The following PDS5A variants were observed in gnomAD, a reference collection of about 807,000 sequenced individuals.
PDS5A encodes sister chromatid cohesion protein PDS5 homolog A.
PDS5A carries 42 observed loss-of-function variants against 167.1 expected under a neutral mutation model. The observed-to-expected ratio is 0.25, with a 90% CI of 0.20 to 0.33. The LOEUF is 0.33. Ranked by LOEUF, PDS5A falls within the 10% of genes least tolerant of loss-of-function variation. The pLI, the probability that PDS5A is intolerant of heterozygous loss-of-function variation, is 1.00. For missense variants in PDS5A, 1,033 were observed against 1,605.9 expected, an observed-to-expected ratio of 0.64 and a Z score of 6.10; for synonymous variants, 553 against 554.6, an observed-to-expected ratio of 1.00 and a Z score of 0.04.
chr4:39,942,412 G>A (rs145295961), intron 2 of PDS5A, among the ~76,000 whole-genome samples: 5 of 151,830 alleles, frequency 3.3e-5, no homozygotes, highest in South Asian at 4.2e-4. Context: ...CCAAACATAC[G>A]CTCTTACTAA....
chr4:39,939,762 A>G (rs1278702493), intron 2 of PDS5A, among the ~76,000 whole-genome samples: 12 of 152,156 alleles, frequency 7.9e-5, no homozygotes, highest in Non-Finnish European at 2.9e-5. Flanking sequence ...GCACCACTGC[A>G]CTCCAGCCTG....
Position 39,977,667 on chromosome 4 carries a change from GGCGGGGAGACAGT to G in PDS5A, c.-264_-252del, listed in dbSNP as rs1172615227. On this transcript the variant is annotated 5_prime_UTR_variant, in exon 1 of 33. Transcript: ENST00000303538. This position sits in a 1 kb window ranked among gnomAD's most constrained non-coding sequence, Gnocchi z 4.2. ...GGAGACGCGGGGCGAGTGAGCGCTG[GGCGGGGAGACAGT>G]GCCGCTCTCCGTCTGGCCGAGGAAG... The G allele has an allele frequency of 2.0e-5, 3 of 151,636 alleles. No individual in the cohort carries two copies. Among genetic ancestry groups the G allele is most frequent in the Non-Finnish European group, 1.5e-5 (1 of 68,036 alleles). 9.4% of individuals were successfully genotyped at this position (151,636 alleles called of 1,614,324 possible).
At chr4:39,908,279 T>C in intron 11 of PDS5A, 116 bp downstream of exon 11, 1 of 809,812 alleles carries the variant, frequency 1.2e-6, no homozygotes. Context: ...TCTTTATCAT[T>C]GTTATTAATT....
At chr4:39,832,052 A>T (rs1715946561) in intron 32 of PDS5A, among the ~76,000 whole-genome samples, 1 of 150,290 alleles carries the variant, frequency 6.7e-6, no homozygotes, top group Admixed American at 6.6e-5. Flanking sequence ...CGGGAGGCAG[A>T]GGGTGCAGTG....
chr4:39,862,226 T>G lies in PDS5A; in HGVS notation c.3079A>C (p.Ile1027Leu), dbSNP rs1389561502. The G allele has an allele frequency of 7.1e-7, 1 of 1,399,950 alleles. No homozygotes were observed. Among genetic ancestry groups the G allele is most frequent in the Non-Finnish European group, 9.8e-7 (1 of 1,025,538 alleles). 86.7% of individuals were successfully genotyped at this position (1,399,950 alleles called of 1,614,324 possible). The change falls in exon 26 of 33, where the codon ATC (isoleucine) becomes CTC (leucine). Residue 1027 changes from isoleucine (I) to leucine (L), a missense_variant. This residue lies in a region of PDS5A where 367 missense variants were observed against 686.7 expected (regional missense o/e 0.53). Transcript: ENST00000303538. ...RSQDVDQLRD[I>L]KECLWFMLEV... ...AAAAACAACAAGACTTACTCTTTGA[T>G]ATCACGAAGCTGATCAACATCTTGT...
intron 26 of PDS5A, among the ~76,000 whole-genome samples, chr4:39,851,724 G>A (rs1420942306): frequency 6.6e-6 from 1 of 152,140 alleles, no homozygotes; most frequent in Non-Finnish European, 1.5e-5. Context: ...AACATTATCT[G>A]AGCAACTATA....
chr4:39,898,739 G>A (rs372614691), intron 15 of PDS5A, 38 bp downstream of exon 15: 113 of 1,311,958 alleles, frequency 8.6e-5, no homozygotes, highest in Non-Finnish European at 1.1e-4. Context: ...CTGCATTTAC[G>A]TTTACTACAT....
At chr4:39,945,552 A>T (rs2109775584) in intron 2 of PDS5A, among the ~76,000 whole-genome samples, 1 of 152,106 alleles carries the variant, frequency 6.6e-6, no homozygotes, top group East Asian at 1.9e-4. Context: ...ATAGTATAGT[A>T]GGAGGAATGC....
intron 2 of PDS5A, among the ~76,000 whole-genome samples, chr4:39,936,175 T>C (rs943674533): frequency 2.0e-5 from 3 of 152,150 alleles, no homozygotes. Context: ...ACTTGTCAGG[T>C]TGTTATTCCC....
At chr4:39,827,369 T>C (rs1715419778) in intron 32 of PDS5A, among the ~76,000 whole-genome samples, 1 of 152,148 alleles carries the variant, frequency 6.6e-6, no homozygotes, top group Admixed American at 6.5e-5. Flanking sequence ...CCTCTGTATT[T>C]CTTGGGCTGC....
intron 2 of PDS5A, among the ~76,000 whole-genome samples, chr4:39,935,945 C>CA (rs573504672): frequency 3.9e-4 from 59 of 152,276 alleles, no homozygotes; most frequent in Admixed American, 3.4e-3. Context: ...CAGCATATCA[C>CA]AAAACTGAAA....
intron 2 of PDS5A, among the ~76,000 whole-genome samples, chr4:39,929,637 G>C (rs1423272389): frequency 1.4e-5 from 2 of 144,818 alleles, no homozygotes; most frequent in Non-Finnish European, 3.0e-5. Context: ...GTGTATTCCT[G>C]TTAGTTCTGT....
chr4:39,918,255 T>G, intron 7 of PDS5A, among the ~76,000 whole-genome samples: 1 of 151,252 alleles, frequency 6.6e-6, no homozygotes, highest in East Asian at 1.9e-4. Context: ...GCTGAAGGAT[T>G]TTTTTTTGTT....
chr4:39,831,174 C>T (rs551763988), intron 32 of PDS5A, among the ~76,000 whole-genome samples: 166 of 152,298 alleles, frequency 1.1e-3, no homozygotes, highest in Non-Finnish European at 1.8e-3. Context: ...CTGCAACCTC[C>T]GCCTCCCAAG....
chr4:39,842,023 A>C lies in PDS5A; in HGVS notation c.3582T>G (p.Val1194=). ...TCACAGGGTTCTCTTCATTTTCACT[A>C]ACTCCAGTTTCTGCTGCCTCTGAAC... ...EQSSEAAETG[V]SENEENPVRI... is the part of the protein sequence containing the mutation. The change falls in exon 31 of 33, where the codon GTT becomes GTG. Residue 1194 remains valine, a synonymous_variant. Coordinates refer to ENST00000303538, the MANE Select transcript of PDS5A (RefSeq NM_001100399.2). 1 of 1,609,146 alleles carries C rather than the reference A, an allele frequency of 6.2e-7. No homozygotes were observed.
chr4:39,849,295 T>C (rs1467005418), intron 27 of PDS5A, among the ~76,000 whole-genome samples: 1 of 152,200 alleles, frequency 6.6e-6, no homozygotes, highest in Non-Finnish European at 1.5e-5. Context: ...CATTTTATTC[T>C]TATCCTCTTG....
chr4:39,842,274 A>G (rs1350591105), intron 30 of PDS5A, among the ~76,000 whole-genome samples: 3 of 152,232 alleles, frequency 2.0e-5, no homozygotes, highest in Admixed American at 2.0e-4. Context: ...TTTTGCCTTA[A>G]TAACATTAAG....
At chr4:39,896,691 A>T (rs1427971030) in intron 16 of PDS5A, among the ~76,000 whole-genome samples, 1 of 151,958 alleles carries the variant, frequency 6.6e-6, no homozygotes, top group East Asian at 1.9e-4. Flanking sequence ...ACGTGAACCC[A>T]GGAGGCTGAG....
intron 12 of PDS5A, among the ~76,000 whole-genome samples, chr4:39,903,126 C>T (rs896236603): frequency 2.0e-5 from 3 of 152,198 alleles, no homozygotes; most frequent in Non-Finnish European, 4.4e-5. Flanking sequence ...CTATGATCCG[C>T]GGTAGAGCTA....
Sources: allele counts gnomAD v4.1 joint callset (sites outside exome capture counted in the v4.1 genomes callset), GRCh38; gene constraint gnomAD v4.1.1; regional missense constraint gnomAD v4.1.1; non-coding constraint Gnocchi (gnomAD v3.1); transcripts MANE v1.5; gene names NCBI Gene and HGNC (gene_info 2026-07-23, HGNC 2026-07-21).